The following MIDN variants were observed in gnomAD, a reference collection of about 807,000 sequenced individuals.
The protein encoded by MIDN is midnolin, also known as midbrain nucleolar protein.
MIDN carries 26 observed loss-of-function variants against 46.1 expected under a neutral mutation model. The ratio of observed to expected loss-of-function variants is 0.56; its 90% confidence interval spans 0.41 to 0.78. The LOEUF is 0.78. Ranked by LOEUF, MIDN falls within the 30% of genes least tolerant of loss-of-function variation. The pLI is 0.00. For missense variants in MIDN, 850 were observed against 771.8 expected (o/e 1.10, Z -1.20); for synonymous variants, 432 against 343.3 (o/e 1.26, Z -2.86).
At position 1,257,548 on chromosome 19, in the gene MIDN, C is replaced by T; in HGVS notation, c.*276C>T. 2.5e-6 allele frequency: 1 copy of T among 394,240 alleles called. No individual in the cohort carries two copies. The highest frequency in any genetic ancestry group is 3.7e-5 in the South Asian group (1 of 27,308). 24.4% of individuals were successfully genotyped at this position (394,240 alleles called of 1,614,324 possible). ...CTCCTCCTCCTCCTCCGTCTGTCTCCTTTCACCTCTGCGCCAGGTCGGTCC... is the reference window on the plus strand; with the variant it reads ...CTCCTCCTCCTCCTCCGTCTGTCTCTTTTCACCTCTGCGCCAGGTCGGTCC... On this transcript the variant is annotated 3_prime_UTR_variant, in exon 9 of 9. Transcript: ENST00000682408.
rs1389831054 is a variant in MIDN at position 1,254,886 on chromosome 19, C to T, written c.826-16C>T. Reference sequence around the variant, plus strand: ...GATCCTGGACCCCGTGCTCATGTGCCCCTTCCTCCCATCAGCAGATGGACT... The same window carrying T: ...GATCCTGGACCCCGTGCTCATGTGCTCCTTCCTCCCATCAGCAGATGGACT... On this transcript the variant is annotated splice_polypyrimidine_tract_variant and intron_variant, in intron 6 of 8. Transcript: ENST00000682408. 1 of 1,593,048 alleles carries T rather than the reference C, an allele frequency of 6.3e-7. No homozygotes were observed. Among genetic ancestry groups the T allele is most frequent in the Non-Finnish European group, 8.6e-7 (1 of 1,168,764 alleles).
rs543915315 is a variant in MIDN, at chr19:1,258,604, G to C, written c.*1332G>C. The C allele has an allele frequency of 6.6e-6, 1 of 151,758 alleles. No homozygotes were observed. Among genetic ancestry groups the C allele is most frequent in the Non-Finnish European group, 1.5e-5 (1 of 67,962 alleles). The allele number at this position is 151,758 out of a possible 1,614,324, so 9.4% of individuals were successfully genotyped here. A position where few individuals can be genotyped will look rare whatever the true frequency, so the allele number is the denominator to read the frequency against. The stretch of plus-strand genomic sequence containing the variant: ...GTCCTGGCTCTGCCTGTCCCCCACC[G>C]TTGTTCTCGTAGGTGAACCCCAGGT... On this transcript the variant is annotated 3_prime_UTR_variant, in exon 9 of 9. Transcript: ENST00000682408.
At chr19:1,251,967 G>C in intron 4 of MIDN, 66 bp downstream of exon 4, 4 of 1,368,420 alleles carry the variant, frequency 2.9e-6, no homozygotes. Context: ...GCCACCGACG[G>C]GGCCTGGGGG....
rs778163090 is a variant in MIDN, at chr19:1,251,827, C to T, written c.322-12C>T. On this transcript the variant is annotated splice_polypyrimidine_tract_variant and intron_variant, in intron 3 of 8. Coordinates refer to ENST00000682408, the MANE Select transcript of MIDN (RefSeq NM_001388306.1). The stretch of plus-strand genomic sequence containing the variant: ...CCCCACACTCAGGCCCCTCTCCTCC[C>T]TCTCTTTGTAGTCTCAGGCCTCAAG... The T allele has an allele frequency of 3.3e-5, 53 of 1,611,652 alleles. No homozygotes were observed. Among genetic ancestry groups the T allele is most frequent in the African/African-American group, 4.0e-5 (3 of 74,884 alleles).
intron 2 of MIDN, chr19:1,251,243 G>C: frequency 3.0e-6 from 1 of 335,650 alleles, no homozygotes; most frequent in Non-Finnish European, 5.5e-6. Context: ...CTGCCCTGGG[G>C]TCGTGGGGGA....
rs770526250 is a variant in MIDN at position 1,250,391 on chromosome 19, G to A, written c.95G>A (p.Ser32Asn). The change falls in exon 2 of 9, where the codon AGC becomes AAC. Residue 32 changes from serine (S) to asparagine (N), a missense_variant. Physicochemically the swap from Ser to Asn is conservative, Grantham distance 46. Transcript: ENST00000682408. The stretch of plus-strand genomic sequence containing the variant: ...CCGGCGGCCGAGGCGGCGCCCATGA[G>A]CCTCGCCATCCACAGCACCACGGGC... ...LGPAAEAAPM[S>N]LAIHSTTGTR... 4 of 1,271,544 alleles carry A rather than the reference G, an allele frequency of 3.1e-6. No individual in the cohort carries two copies. The highest frequency in any genetic ancestry group is 3.9e-5 in the East Asian group (1 of 25,836). The allele number at this position is 1,271,544 out of a possible 1,614,324, so 78.8% of individuals were successfully genotyped here. A position where few individuals can be genotyped will look rare whatever the true frequency, so the allele number is the denominator to read the frequency against.
intron 7 of MIDN, 123 bp from the exon 8 acceptor site, chr19:1,255,299 C>T (rs894455635): frequency 2.3e-5 from 30 of 1,316,022 alleles, no homozygotes; most frequent in Non-Finnish European, 2.9e-5. Flanking sequence ...CGTGGTCCCT[C>T]GTGCACATCA....
At chr19:1,249,405 C>T (rs1381972294) in intron 1 of MIDN, among the ~76,000 whole-genome samples, 4 of 150,180 alleles carry the variant, frequency 2.7e-5, no homozygotes, top group Non-Finnish European at 5.9e-5. Flanking sequence ...TTTTCCCGGA[C>T]GAAGGCGGCG....
In MIDN at chr19:1,258,404, CCCCCTGCCTCTCAGTG is replaced by C. The variant is rs1446196509; in HGVS notation, c.*1141_*1156del. Reference sequence around the variant, plus strand: ...GGGTCCGCTGCTGGTCTAATTTGGACCCCCTGCCTCTCAGTGCCCCTGCCCTAGGGGTGTCTGTCTC... The same window carrying C: ...GGGTCCGCTGCTGGTCTAATTTGGACCCCCTGCCCTAGGGGTGTCTGTCTC... On this transcript the variant is annotated 3_prime_UTR_variant, in exon 9 of 9. Transcript: ENST00000682408. The C allele has an allele frequency of 6.6e-6, 1 of 152,582 alleles. No individual in the cohort carries two copies. Among genetic ancestry groups the C allele is most frequent in the Admixed American group, 6.5e-5 (1 of 15,284 alleles). 9.5% of individuals were successfully genotyped at this position (152,582 alleles called of 1,614,324 possible).
Position 1,254,329 on chromosome 19 carries a change from A to C in MIDN, c.676A>C (p.Ser226Arg). 6.4e-7 allele frequency: 1 copy of C among 1,570,632 alleles called. No individual in the cohort carries two copies. The highest frequency in any genetic ancestry group is 8.6e-7 in the Non-Finnish European group (1 of 1,165,270). ...CGCCGCTGCTGCGCGGGGGGACCCCAGCATAGCCTCCCCCGTGTCCTCGCC... is the reference window on the plus strand; with the variant it reads ...CGCCGCTGCTGCGCGGGGGGACCCCCGCATAGCCTCCCCCGTGTCCTCGCC... Reference protein sequence around the residue: ...AAAAAARGDPSIASPVSSPCR... With the variant: ...AAAAAARGDPRIASPVSSPCR... Residue 226 changes from serine to arginine, a missense_variant, in exon 6 of 9, where the codon AGC becomes CGC. Coordinates refer to ENST00000682408, the MANE Select transcript of MIDN (RefSeq NM_001388306.1).
chr19:1,251,814 G>A lies in MIDN; in HGVS notation c.322-25G>A, dbSNP rs761468632. 8 of 1,608,594 alleles carry A rather than the reference G, an allele frequency of 5.0e-6. 1 individual carries two copies. The South Asian group carries it at 7.7e-5, about 15-fold the overall frequency. On this transcript the variant is annotated intron_variant, in intron 3 of 8. Transcript: ENST00000682408. ...CCCAGGATTCCGACCCCACACTCAGGCCCCTCTCCTCCCTCTCTTTGTAGT... is the reference window on the plus strand; with the variant it reads ...CCCAGGATTCCGACCCCACACTCAGACCCCTCTCCTCCCTCTCTTTGTAGT...
chr19:1,256,301 G>T (rs1466601799), intron 8 of MIDN, among the ~76,000 whole-genome samples: 1 of 152,174 alleles, frequency 6.6e-6, no homozygotes, highest in East Asian at 1.9e-4. Context: ...GGCTAACATG[G>T]TGAAACTCCG....
Position 1,250,479 on chromosome 19 carries a change from C to T in MIDN, c.183C>T (p.Ser61=). 7.3e-7 allele frequency: 1 copy of T among 1,373,872 alleles called. No homozygotes were observed. The highest frequency in any genetic ancestry group is 3.2e-5 in the East Asian group (1 of 31,352). 85.1% of individuals were successfully genotyped at this position (1,373,872 alleles called of 1,614,324 possible). A position where few individuals can be genotyped will look rare whatever the true frequency, so the allele number is the denominator to read the frequency against. Residue 61 remains serine, a synonymous_variant, in exon 2 of 9, where the codon TCC becomes TCT. Coordinates refer to ENST00000682408, the MANE Select transcript of MIDN (RefSeq NM_001388306.1). ...TGGAGGGGCTGCGCAAGCGGTTGTC[C>T]CAGCGCCTCAAAGTGCCCAAGGAGC... ...ETVEGLRKRL[S]QRLKVPKERL...
At chr19:1,251,200 C>T (rs1599975934) in intron 2 of MIDN, 1 of 211,956 alleles carries the variant, frequency 4.7e-6, no homozygotes, top group Non-Finnish European at 9.5e-6. Context: ...CAAAGAGGAG[C>T]CAGGACTAGA....
At position 1,250,457 on chromosome 19, in the gene MIDN, A is replaced by T; in HGVS notation, c.161A>T (p.Glu54Val). ...GCCGTGCCGCCCGACGAGACGGTGG[A>T]GGGGCTGCGCAAGCGGTTGTCCCAG... ...DLAVPPDETV[E>V]GLRKRLSQRL... is the part of the protein sequence containing the mutation. The change falls in exon 2 of 9, where the codon GAG becomes GTG. Residue 54 changes from glutamate (E) to valine (V), a missense_variant. Physicochemically the swap from Glu to Val is moderately radical, Grantham distance 121. Coordinates refer to ENST00000682408, the MANE Select transcript of MIDN (RefSeq NM_001388306.1). 1 of 1,389,108 alleles carries T rather than the reference A, an allele frequency of 7.2e-7. No homozygotes were observed. Among genetic ancestry groups the T allele is most frequent in the Non-Finnish European group, 9.5e-7 (1 of 1,049,400 alleles). 86.0% of individuals were successfully genotyped at this position (1,389,108 alleles called of 1,614,324 possible).
chr19:1,254,292 CGCTGCGGCCGCCGCCGCT>C lies in MIDN; in HGVS notation c.646_663del (p.Ala216_Ala221del). On this transcript the variant is annotated inframe_deletion, in exon 6 of 9. Transcript: ENST00000682408. Reference sequence around the variant, plus strand: ...CACTGCAACACCGCCATGTGCTGGCCGCTGCGGCCGCCGCCGCTGCTGCGCGGGGGGACCCCAGCATAG... The same window carrying C: ...CACTGCAACACCGCCATGTGCTGGCCGCTGCGCGGGGGGACCCCAGCATAG... 6.4e-7 allele frequency: 1 copy of C among 1,570,724 alleles called. No individual in the cohort carries two copies. The highest frequency in any genetic ancestry group is 8.6e-7 in the Non-Finnish European group (1 of 1,165,898).
At chr19:1,253,901 C>A (rs917081521) in intron 4 of MIDN, 53 bp from the exon 5 acceptor site, 5 of 1,353,028 alleles carry the variant, frequency 3.7e-6, no homozygotes, top group Middle Eastern at 2.7e-4. Flanking sequence ...CAAGACCGAC[C>A]TAGTTGGCCA....
In MIDN at chr19:1,251,589, G is replaced by T; in HGVS notation, c.261G>T (p.Glu87Asp). 1 of 1,606,876 alleles carries T rather than the reference G, an allele frequency of 6.2e-7. No homozygotes were observed. Among genetic ancestry groups the T allele is most frequent in the Admixed American group, 1.7e-5 (1 of 57,834 alleles). Residue 87 changes from glutamate (E) to aspartate (D), a missense_variant, in exon 3 of 9, where the codon GAG (glutamate) becomes GAT (aspartate). Transcript: ENST00000682408. Reference sequence around the variant, plus strand: ...GGCTCAGTTCGGGGAAGCTGCAGGAGTTCGGCGTGGGTGATGGCAGCAAGC... The same window carrying T: ...GGCTCAGTTCGGGGAAGCTGCAGGATTTCGGCGTGGGTGATGGCAGCAAGC... ...DTRLSSGKLQ[E>D]FGVGDGSKLT...
intron 4 of MIDN, among the ~76,000 whole-genome samples, chr19:1,252,372 G>T (rs945023181): frequency 6.6e-6 from 1 of 151,970 alleles, no homozygotes. Flanking sequence ...TGGGGATCTC[G>T]TCACCCTCCC....
Sources: gnomAD v4.1 joint callset for allele counts (sites outside exome capture counted in the v4.1 genomes callset) on GRCh38, gnomAD v4.1.1 for gene constraint, MANE v1.5 for transcripts, NCBI Gene and HGNC (gene_info 2026-07-23, HGNC 2026-07-21) for gene names.